The following EFHC2 variants were observed in gnomAD, a reference collection of about 807,000 sequenced individuals.
EFHC2 encodes EF-hand domain-containing family member C2.
EFHC2 carries 18 observed loss-of-function variants against 52.7 expected under a neutral mutation model. The observed-to-expected ratio is 0.34, with a 90% CI of 0.24 to 0.51. The LOEUF (loss-of-function observed/expected upper bound fraction) is 0.51. Among genes scored for constraint, EFHC2 ranks in the 20% least tolerant of loss-of-function variants. The probability of loss-of-function intolerance (pLI) is 0.97; values close to 1 mark genes in which losing one functional copy is unlikely to be tolerated. For synonymous variants in EFHC2, 203 were observed against 204.1 expected, an observed-to-expected ratio of 0.99 and a Z score of 0.04; for missense variants, 513 against 562.5, an observed-to-expected ratio of 0.91 and a Z score of 0.89.
intron 14 of EFHC2, among the ~76,000 whole-genome samples, chrX:44,159,702 C>A (rs754417602): frequency 8.9e-6 from 1 of 112,231 alleles, no homozygotes; most frequent in South Asian, 3.7e-4. Context: ...AATTTCTCAC[C>A]GTAAATGAAT....
intron 14 of EFHC2, among the ~76,000 whole-genome samples, chrX:44,154,482 C>T (rs1347523709): frequency 1.8e-5 from 2 of 109,944 alleles, no homozygotes; most frequent in Non-Finnish European, 3.8e-5. Context: ...TAGGAAATCA[C>T]TTAAAGCCAG....
At chrX:44,229,334 T>G (rs751677839) in intron 11 of EFHC2, among the ~76,000 whole-genome samples, 1 of 111,857 alleles carries the variant, frequency 8.9e-6, no homozygotes. Context: ...GGTGCTTTTT[T>G]CTGTCTTTCT....
At chrX:44,233,364 T>C (rs1196423664) in intron 9 of EFHC2, among the ~76,000 whole-genome samples, 2 of 112,268 alleles carry the variant, frequency 1.8e-5, no homozygotes, top group Non-Finnish European at 3.8e-5. Flanking sequence ...ACAGGTAAAA[T>C]TCCTTTGCTT....
intron 11 of EFHC2, among the ~76,000 whole-genome samples, chrX:44,179,349 T>G (rs2036815987): frequency 8.9e-6 from 1 of 112,057 alleles, no homozygotes; most frequent in Non-Finnish European, 1.9e-5. Flanking sequence ...AGGAATAAGC[T>G]TCCACTGTCT....
intron 2 of EFHC2, among the ~76,000 whole-genome samples, chrX:44,299,874 G>T (rs771281165): frequency 9.0e-6 from 1 of 111,425 alleles, no homozygotes; most frequent in Non-Finnish European, 1.9e-5. Flanking sequence ...TATCATCGGG[G>T]AAAGCTGTGA....
At chrX:44,302,023 G>A (rs897745597) in intron 2 of EFHC2, among the ~76,000 whole-genome samples, 1 of 111,565 alleles carries the variant, frequency 9.0e-6, no homozygotes, top group African/African-American at 3.3e-5. Context: ...ATTTCTTTTA[G>A]ATGGATACAT....
chrX:44,160,936 G>A (rs759615185), intron 14 of EFHC2, among the ~76,000 whole-genome samples: 1 of 110,998 alleles, frequency 9.0e-6, no homozygotes, highest in African/African-American at 3.3e-5. Context: ...AAAAAAAAGA[G>A]ATTAATAAAT....
chrX:44,286,347 A>G (rs2037748091), intron 2 of EFHC2: 1 of 112,563 alleles, frequency 8.9e-6, no homozygotes. Flanking sequence ...TGGGTCAAGG[A>G]TGTGTTTGAA....
Position 44,266,743 on chromosome X carries a change from T to G in EFHC2, c.383-5445A>C, listed in dbSNP as rs764880302. Among the ~76,000 whole-genome samples the G allele has an allele frequency of 2.7e-5, 3 of 111,371 alleles. No individual in the cohort carries two copies. The East Asian group carries it at 8.4e-4, about 31-fold the overall frequency. On this transcript the variant is annotated intron_variant, in intron 3 of 14. Transcript: ENST00000420999. The stretch of plus-strand genomic sequence containing the variant: ...ATAACTGAGTATCTTATACTTCATC[T>G]GGCAACCTTCCCACCACCCCTCCAC...
At chrX:44,307,228 AT>A (rs1243915075) in intron 2 of EFHC2, among the ~76,000 whole-genome samples, 9 of 111,571 alleles carry the variant, frequency 8.1e-5, no homozygotes, top group Admixed American at 2.8e-4. Context: ...ACAAATATTA[AT>A]TTTAATACAC....
intron 2 of EFHC2, among the ~76,000 whole-genome samples, chrX:44,301,465 A>G (rs2037868824): frequency 8.9e-6 from 1 of 112,133 alleles, no homozygotes; most frequent in Non-Finnish European, 1.9e-5. Context: ...CCCTATCTTG[A>G]TAAATGGGCT....
At chrX:44,258,994 T>C (rs980764883) in intron 4 of EFHC2, among the ~76,000 whole-genome samples, 1 of 111,504 alleles carries the variant, frequency 9.0e-6, no homozygotes, top group Admixed American at 9.5e-5. Flanking sequence ...AGTGTGGCAA[T>C]TCCTTAAGGA....
intron 1 of EFHC2, among the ~76,000 whole-genome samples, chrX:44,320,807 C>G: frequency 9.1e-6 from 1 of 110,173 alleles, no homozygotes; most frequent in Non-Finnish European, 1.9e-5. Flanking sequence ...CCTCCATTCA[C>G]TCCTGCACTC....
At chrX:44,197,397 A>T (rs2036973621) in intron 11 of EFHC2, among the ~76,000 whole-genome samples, 1 of 112,192 alleles carries the variant, frequency 8.9e-6, no homozygotes, top group African/African-American at 3.2e-5. Context: ...AAATGAGTTC[A>T]AAGAGGCAAG....
chrX:44,251,198 C>T (rs1196655185), intron 4 of EFHC2, among the ~76,000 whole-genome samples: 3 of 88,058 alleles, frequency 3.4e-5, no homozygotes, highest in Non-Finnish European at 4.2e-5. Context: ...GAGATCGCGC[C>T]ACTGCACTCC....
intron 4 of EFHC2, among the ~76,000 whole-genome samples, chrX:44,256,882 T>C (rs145029712): frequency 0.096 from 10,637 of 110,967 alleles, 1,119 homozygotes; most frequent in African/African-American, 0.31. Context: ...TGATGAAGAT[T>C]GATGCGAAAA....
At chrX:44,283,384 G>A (rs946277460) in intron 2 of EFHC2, among the ~76,000 whole-genome samples, 6 of 111,127 alleles carry the variant, frequency 5.4e-5, no homozygotes, top group East Asian at 2.9e-4. Context: ...GGGTTTCACC[G>A]TGTTAGCCAG....
chrX:44,185,808 A>C (rs1406201434), intron 11 of EFHC2, among the ~76,000 whole-genome samples: 1 of 111,930 alleles, frequency 8.9e-6, no homozygotes, highest in African/African-American at 3.2e-5. Context: ...CTGGGGTTAC[A>C]GGTGTGAGCC....
intron 4 of EFHC2, among the ~76,000 whole-genome samples, chrX:44,252,071 T>C (rs1481869567): frequency 1.8e-5 from 2 of 111,561 alleles, no homozygotes; most frequent in African/African-American, 6.5e-5. Context: ...TCAAAAAGCT[T>C]TAGGTATCAA....
Sources: gnomAD v4.1 joint callset for allele counts (sites outside exome capture counted in the v4.1 genomes callset) on GRCh38, gnomAD v4.1.1 for gene constraint, MANE v1.5 for transcripts, NCBI Gene and HGNC (gene_info 2026-07-23, HGNC 2026-07-21) for gene names.